DCDC1: variants seen among roughly 807,000 people sequenced by gnomAD.
DCDC1 encodes doublecortin domain containing 1.
A neutral mutation model predicts 178.3 loss-of-function variants in DCDC1; 200 were observed. The ratio of observed to expected loss-of-function variants is 1.12; its 90% confidence interval spans 1.00 to 1.26. The LOEUF (loss-of-function observed/expected upper bound fraction) is 1.26. DCDC1 is among the 50% of genes most tolerant of loss of function. The pLI, the probability that DCDC1 is intolerant of heterozygous loss-of-function variation, is 0.00. For missense variants in DCDC1, 1,983 were observed against 1,749.2 expected (o/e 1.13, Z -2.38); for synonymous variants, 690 against 604.8 (o/e 1.14, Z -2.07).
At chr11:31,179,838 C>G (rs1418553713) in intron 9 of DCDC1, among the ~76,000 whole-genome samples, 1 of 152,132 alleles carries the variant, frequency 6.6e-6, no homozygotes, top group South Asian at 2.1e-4. Flanking sequence ...ACAACAACAA[C>G]AAATACTACA....
chr11:31,066,015 G>C (rs546110257), intron 18 of DCDC1, among the ~76,000 whole-genome samples: 1 of 152,264 alleles, frequency 6.6e-6, no homozygotes, highest in South Asian at 2.1e-4. Flanking sequence ...AGCATAAAGG[G>C]GGGGATATAT....
intron 36 of DCDC1, among the ~76,000 whole-genome samples, chr11:30,887,060 T>C (rs1943240738): frequency 6.6e-6 from 1 of 152,154 alleles, no homozygotes; most frequent in African/African-American, 2.4e-5. Flanking sequence ...GACCTATTTG[T>C]ATGTAAAGTC....
chr11:31,315,901 C>T (rs1413326024), intron 3 of DCDC1, among the ~76,000 whole-genome samples: 4 of 111,462 alleles, frequency 3.6e-5, no homozygotes, highest in Non-Finnish European at 5.3e-5. Flanking sequence ...TGAGAATATG[C>T]GGTGTTTGGT....
chr11:31,355,845 T>C (rs991877644), intron 1 of DCDC1, among the ~76,000 whole-genome samples: 9 of 152,060 alleles, frequency 5.9e-5, no homozygotes, highest in African/African-American at 2.2e-4. Context: ...CTGGGACTAC[T>C]GGTGGGAGCT....
At chr11:31,186,338 T>C (rs1026722566) in intron 9 of DCDC1, among the ~76,000 whole-genome samples, 14 of 152,156 alleles carry the variant, frequency 9.2e-5, no homozygotes, top group African/African-American at 3.4e-4. Flanking sequence ...GACTAGACTA[T>C]CTTTATCTTT....
At chr11:31,314,685 A>G (rs1235917276) in intron 3 of DCDC1, 1 of 152,216 alleles carries the variant, frequency 6.6e-6, no homozygotes, top group Non-Finnish European at 1.5e-5. Context: ...TTATCAATCT[A>G]TGATCGCTAT....
intron 6 of DCDC1, among the ~76,000 whole-genome samples, chr11:31,291,646 T>C (rs1024771803): frequency 1.3e-5 from 2 of 152,136 alleles, no homozygotes; most frequent in African/African-American, 4.8e-5. Context: ...AATTTGCACC[T>C]GAGCTATTTA....
At chr11:30,888,032 G>GAGAAAGAAAGAAAGAAAGAA (rs1276190350) in intron 36 of DCDC1, among the ~76,000 whole-genome samples, 2 of 111,464 alleles carry the variant, frequency 1.8e-5, no homozygotes, top group African/African-American at 7.6e-5. Context: ...GAGAGAGAGA[G>GAGAAAGAAAGAAAGAAAGAA]AGAAAGAAAG....
chr11:31,295,629 C>T (rs1215469638), intron 6 of DCDC1, among the ~76,000 whole-genome samples: 1 of 152,196 alleles, frequency 6.6e-6, no homozygotes, highest in Non-Finnish European at 1.5e-5. Flanking sequence ...TGGTGTCTTT[C>T]ACATTTCAGA....
rs1222589211 is a variant in DCDC1, at chr11:31,016,508, A to G, written c.2591+47961T>C. On this transcript the variant is annotated intron_variant, in intron 20 of 38. Coordinates refer to ENST00000684477, the MANE Select transcript of DCDC1 (RefSeq NM_001387274.1). ...CAGAAAGTGAATCACATGAAGTGTTATATGAAAACTGAAGATGTATTAACT... is the reference window on the plus strand; with the variant it reads ...CAGAAAGTGAATCACATGAAGTGTTGTATGAAAACTGAAGATGTATTAACT... 2.0e-5 allele frequency among the ~76,000 whole-genome samples: 3 copies of G among 152,368 alleles called. No homozygotes were observed. In the South Asian group the frequency reaches 6.2e-4, roughly 32 times the overall value.
intron 8 of DCDC1, among the ~76,000 whole-genome samples, 164 bp downstream of exon 8, chr11:31,265,343 T>A (rs1055714784): frequency 2.0e-5 from 3 of 152,108 alleles, no homozygotes; most frequent in African/African-American, 7.2e-5. Context: ...ATTCCTAAAA[T>A]CTTAATGTCC....
chr11:31,086,565 G>A (rs1286864017), intron 17 of DCDC1, among the ~76,000 whole-genome samples: 1 of 152,150 alleles, frequency 6.6e-6, no homozygotes, highest in African/African-American at 2.4e-5. Flanking sequence ...AGTGTAACTT[G>A]TCGATTTTTA....
intron 9 of DCDC1, among the ~76,000 whole-genome samples, chr11:31,148,898 C>T (rs1211873239): frequency 1.3e-5 from 2 of 151,916 alleles, no homozygotes; most frequent in African/African-American, 2.4e-5. Flanking sequence ...TCACCCCCGC[C>T]CAACTTCCCC....
At chr11:31,296,117 C>T (rs987837032) in intron 6 of DCDC1, among the ~76,000 whole-genome samples, 3 of 152,120 alleles carry the variant, frequency 2.0e-5, no homozygotes, top group African/African-American at 4.8e-5. Context: ...AGCCAGCCAG[C>T]CCATCAGGGG....
chr11:31,326,291 A>C (rs902424486), intron 3 of DCDC1, among the ~76,000 whole-genome samples: 1 of 152,182 alleles, frequency 6.6e-6, no homozygotes, highest in Admixed American at 6.5e-5. Flanking sequence ...AGCCAGTGTT[A>C]AACCGACTAA....
intron 18 of DCDC1, among the ~76,000 whole-genome samples, chr11:31,066,129 T>C (rs1481857450): frequency 1.3e-5 from 2 of 152,248 alleles, no homozygotes. Context: ...CATTTTGTTT[T>C]ATGTTTTAAA....
intron 23 of DCDC1, among the ~76,000 whole-genome samples, chr11:30,923,675 G>A (rs1946408827): frequency 6.6e-6 from 1 of 151,544 alleles, no homozygotes; most frequent in South Asian, 2.1e-4. Context: ...CTGGAGTGCA[G>A]TGGCATGCTT....
intron 11 of DCDC1, among the ~76,000 whole-genome samples, chr11:31,111,588 A>T (rs897283116): frequency 6.6e-6 from 1 of 152,178 alleles, no homozygotes; most frequent in African/African-American, 2.4e-5. Context: ...AGTAAAAAAA[A>T]TCTCTCTACT....
chr11:31,313,577 A>AT (rs1221966080), intron 3 of DCDC1, among the ~76,000 whole-genome samples: 1 of 147,694 alleles, frequency 6.8e-6, no homozygotes, highest in Non-Finnish European at 1.5e-5. Flanking sequence ...TAAGATCTAC[A>AT]TTTTTAAGAT....
Sources: allele counts gnomAD v4.1 joint callset (sites outside exome capture counted in the v4.1 genomes callset), GRCh38; gene constraint gnomAD v4.1.1; transcripts MANE v1.5; gene names NCBI Gene and HGNC (gene_info 2026-07-23, HGNC 2026-07-21).